ISL2: variants seen among roughly 807,000 people sequenced by gnomAD.
ISL2 encodes the protein insulin gene enhancer protein ISL-2.
In ISL2, 17 loss-of-function variants were observed where a neutral mutation model predicts 34.6. The ratio of observed to expected loss-of-function variants is 0.49; its 90% CI spans 0.34 to 0.74. The LOEUF is 0.74. Ranked by LOEUF, ISL2 falls within the 30% of genes least tolerant of loss-of-function variation. The pLI, the probability that ISL2 is intolerant of heterozygous loss-of-function variation, is 0.01. For synonymous variants in ISL2, 232 were observed against 225.5 expected (o/e 1.03, Z -0.26); for missense variants, 469 against 515.2 (o/e 0.91, Z 0.87).
intron 3 of ISL2, chr15:76,339,416 A>G: frequency 1.0e-6 from 1 of 985,418 alleles, no homozygotes; most frequent in East Asian, 1.1e-4. Flanking sequence ...CACGGTATAT[A>G]TGGGTCGGGA....
At chr15:76,339,972 A>C (rs2040181229) in intron 3 of ISL2, 2 of 1,204,726 alleles carry the variant, frequency 1.7e-6, no homozygotes, top group South Asian at 5.4e-5. Context: ...CGACTGGAGG[A>C]GGCACATCCC....
In ISL2 at chr15:76,340,429, A is replaced by G. The variant is rs2040185034; in HGVS notation, c.665A>G (p.Glu222Gly). 1.2e-6 allele frequency: 2 copies of G among 1,613,684 alleles called. No individual in the cohort carries two copies. The highest frequency in any genetic ancestry group is 1.3e-5 in the African/African-American group (1 of 74,940). The change falls in exon 4 of 6, where the codon GAG (glutamate) becomes GGG (glycine). Residue 222 changes from glutamate to glycine, a missense_variant. Glu to Gly is a moderately conservative substitution (Grantham distance 98). Around this residue, in one of 3 missense-constraint regions of ISL2, gnomAD observed 297 missense variants for 337.8 expected, o/e 0.88. Transcript: ENST00000290759. ...ANPRPDALMK[E>G]QLVEMTGLSP... ...CCGCGGCCCGACGCTCTCATGAAGG[A>G]GCAGCTGGTGGAGATGACCGGCCTG...
At chr15:76,339,765 C>T in intron 3 of ISL2, 2 of 992,882 alleles carry the variant, frequency 2.0e-6, no homozygotes, top group Non-Finnish European at 2.4e-6. Context: ...TGGCCCTGTC[C>T]AAATGGGCTC....
intron 3 of ISL2, chr15:76,339,328 A>G: frequency 1.0e-6 from 1 of 984,370 alleles, no homozygotes. Flanking sequence ...ACTGGGCTGG[A>G]TGGGCTATTT....
rs779520708 is a variant in ISL2 at position 76,341,717 on chromosome 15, A to C, written c.964-2A>C. The C allele has an allele frequency of 6.2e-7, 1 of 1,607,576 alleles. No individual in the cohort carries two copies. ...CTCTTCCCGGTGTTTCCGCCGCCCC[A>C]GGTCTCCTTCTCCGAGTCCGGCTCC... On this transcript the variant is annotated splice_acceptor_variant, in intron 5 of 5. Transcript: ENST00000290759. LOFTEE classifies it high-confidence loss of function.
Position 76,340,278 on chromosome 15 carries a change from G to A in ISL2, c.514G>A (p.Ala172Thr), listed in dbSNP as rs376971357. 8.1e-6 allele frequency: 13 copies of A among 1,599,462 alleles called. No homozygotes were observed. Among genetic ancestry groups the A allele is most frequent in the Non-Finnish European group, 1.0e-5 (12 of 1,175,068 alleles). The change falls in exon 4 of 6, where the codon GCT becomes ACT. Residue 172 changes from alanine (A) to threonine (T), a missense_variant and splice_region_variant. Ala to Thr is a moderately conservative substitution (Grantham distance 58). Around this residue, in one of 3 missense-constraint regions of ISL2, gnomAD observed 297 missense variants for 337.8 expected, o/e 0.88. Transcript: ENST00000290759. ...CTGGCCTCACCCTGTCCTGGCAGACGCTGGGTCGGGCCGGCAGCCCGCGTT... is the reference window on the plus strand; with the variant it reads ...CTGGCCTCACCCTGTCCTGGCAGACACTGGGTCGGGCCGGCAGCCCGCGTT... ...PGARGLHLPD[A>T]GSGRQPALRP...
Position 76,337,821 on chromosome 15 carries a change from C to T in ISL2, c.102C>T (p.Ile34=), listed in dbSNP as rs761618766. 6.2e-7 allele frequency: 1 copy of T among 1,611,002 alleles called. No homozygotes were observed. The highest frequency in any genetic ancestry group is 8.5e-7 in the Non-Finnish European group (1 of 1,178,686). ...TGTGCGTGGGCTGCGGGAGTCAGAT[C>T]CACGACCAGTTTATCCTGCGGGTGT... is the stretch of plus-strand genomic sequence containing the variant. The part of the protein sequence containing the change: ...TAMCVGCGSQ[I]HDQFILRVSP... Residue 34 remains isoleucine, a synonymous_variant, in exon 2 of 6, where the codon ATC becomes ATT. Transcript: ENST00000290759.
chr15:76,340,285 C>A lies in ISL2; in HGVS notation c.521C>A (p.Ser174Ter). 3 of 1,602,642 alleles carry A rather than the reference C, an allele frequency of 1.9e-6. No individual in the cohort carries two copies. The highest frequency in any genetic ancestry group is 2.6e-6 in the Non-Finnish European group (3 of 1,176,250). The change falls in exon 4 of 6, where the codon TCG becomes TAG. Residue 174 changes from serine (S) to a stop codon, truncating the protein, a stop_gained. Transcript: ENST00000290759. LOFTEE classifies it high-confidence loss of function. ...CACCCTGTCCTGGCAGACGCTGGGT[C>A]GGGCCGGCAGCCCGCGTTGCGCCCG... is the stretch of plus-strand genomic sequence containing the variant. ...ARGLHLPDAG[S>*]GRQPALRPHV... is the part of the protein sequence containing the mutation.
At chr15:76,337,261 C>T (rs1337495853) in intron 1 of ISL2, among the ~76,000 whole-genome samples, 2 of 150,492 alleles carry the variant, frequency 1.3e-5, no homozygotes, top group Admixed American at 1.3e-4. Flanking sequence ...GTTTGTTTGC[C>T]TTTCGGTTTT....
Position 76,337,884 on chromosome 15 carries a change from T to G in ISL2, c.165T>G (p.Cys55Trp). 1 of 1,612,710 alleles carries G rather than the reference T, an allele frequency of 6.2e-7. No individual in the cohort carries two copies. Among genetic ancestry groups the G allele is most frequent in the Non-Finnish European group, 8.5e-7 (1 of 1,179,718 alleles). The change falls in exon 2 of 6, where the codon TGT becomes TGG. Residue 55 changes from cysteine to tryptophan, a missense_variant. By Grantham distance (215) the Cys-to-Trp change is radical. This residue lies in a region of ISL2 where 297 missense variants were observed against 337.8 expected (regional missense o/e 0.88). Transcript: ENST00000290759. The part of the protein sequence containing the change: ...DLEWHAACLK[C>W]AECSQYLDET... The stretch of plus-strand genomic sequence containing the variant: ...AGTGGCACGCGGCCTGCCTCAAGTG[T>G]GCCGAGTGCAGCCAGTACCTGGACG...
In ISL2 at chr15:76,338,111, G is replaced by A. The variant is rs536536504; in HGVS notation, c.249-141G>A. 1,827 of 1,344,214 alleles carry A rather than the reference G, an allele frequency of 1.4e-3. 4 individuals carry two copies. The highest frequency in any genetic ancestry group is 1.8e-3 in the South Asian group (114 of 62,254). The allele number at this position is 1,344,214 out of a possible 1,614,324, so 83.3% of individuals were successfully genotyped here. A position where few individuals can be genotyped will look rare whatever the true frequency, so the allele number is the denominator to read the frequency against. On this transcript the variant is annotated intron_variant, in intron 2 of 5. Transcript: ENST00000290759. The stretch of plus-strand genomic sequence containing the variant: ...CACGGGTGCCGCAGCGCTCCCCCGG[G>A]CCCGGGAATGCCCGCAGGCGGGTCA...
chr15:76,338,296 G>T lies in ISL2; in HGVS notation c.293G>T (p.Ser98Ile). The change falls in exon 3 of 6, where the codon AGC becomes ATC. Residue 98 changes from serine to isoleucine, a missense_variant. Transcript: ENST00000290759. ...KCAKCQVGFSSSDLVMRARDS... is the reference protein window; with the variant it reads ...KCAKCQVGFSISDLVMRARDS... ...GCCAAGTGCCAGGTGGGCTTCAGCA[G>T]CAGCGACCTGGTGATGAGGGCGCGG... 6.3e-7 allele frequency: 1 copy of T among 1,585,058 alleles called. No individual in the cohort carries two copies. Among genetic ancestry groups the T allele is most frequent in the African/African-American group, 1.4e-5 (1 of 72,618 alleles).
chr15:76,338,861 T>C (rs1783101965), intron 3 of ISL2: 5 of 985,342 alleles, frequency 5.1e-6, no homozygotes, highest in Non-Finnish European at 4.8e-6. Context: ...TAGGAATTTC[T>C]TGGAGGAATA....
rs775367576 is a variant in ISL2, at chr15:76,341,148, G to A, written c.810G>A (p.Leu270=). ...TTGCCCCGCAGAGCCTTCAGGGACTGACTGGGACGCCCCTGGTGGCGGGCA... is the reference window on the plus strand; with the variant it reads ...TTGCCCCGCAGAGCCTTCAGGGACTAACTGGGACGCCCCTGGTGGCGGGCA... ...QHSDKTSLQG[L]TGTPLVAGSP... Residue 270 remains leucine, a synonymous_variant, in exon 5 of 6, where the codon CTG becomes CTA. Coordinates refer to ENST00000290759, the MANE Select transcript of ISL2 (RefSeq NM_145805.3). 6.2e-7 allele frequency: 1 copy of A among 1,608,344 alleles called. No homozygotes were observed. The highest frequency in any genetic ancestry group is 8.5e-7 in the Non-Finnish European group (1 of 1,177,682).
chr15:76,337,376 T>C (rs2040158609), intron 1 of ISL2: 1 of 310,752 alleles, frequency 3.2e-6, no homozygotes. Flanking sequence ...TGTGTTGGGA[T>C]AGGAGGCAGC....
intron 3 of ISL2, chr15:76,339,454 G>A (rs1014025899): frequency 2.0e-6 from 2 of 985,326 alleles, no homozygotes; most frequent in African/African-American, 3.5e-5. Flanking sequence ...ATGGGAGCAA[G>A]CGGGTATTCA....
chr15:76,341,070 C>T, intron 4 of ISL2, 64 bp from the exon 5 acceptor site: 1 of 1,445,200 alleles, frequency 6.9e-7, no homozygotes, highest in Non-Finnish European at 9.3e-7. Flanking sequence ...GAGCTCCAGT[C>T]TCAAAGGTGG....
At chr15:76,338,621 C>A in intron 3 of ISL2, 107 bp downstream of exon 3, 1 of 1,238,340 alleles carries the variant, frequency 8.1e-7, no homozygotes, top group Non-Finnish European at 1.0e-6. Flanking sequence ...TGTGTGGTTC[C>A]GTCTGCCGGG....
rs765746609 is a variant in ISL2, at chr15:76,336,848, C to A, written c.-36C>A. The stretch of plus-strand genomic sequence containing the variant: ...GGCGCGCGACCCTCGTCCTTCTGCC[C>A]CTGGCCGCACACTTTGCGCACATCT... On this transcript the variant is annotated 5_prime_UTR_variant, in exon 1 of 6. Coordinates refer to ENST00000290759, the MANE Select transcript of ISL2 (RefSeq NM_145805.3). 6.3e-7 allele frequency: 1 copy of A among 1,596,190 alleles called. No individual in the cohort carries two copies. Among genetic ancestry groups the A allele is most frequent in the Admixed American group, 1.7e-5 (1 of 60,000 alleles).
Sources: allele counts gnomAD v4.1 joint callset (sites outside exome capture counted in the v4.1 genomes callset), GRCh38; gene constraint gnomAD v4.1.1; regional missense constraint gnomAD v4.1.1; transcripts MANE v1.5; gene names NCBI Gene and HGNC (gene_info 2026-07-23, HGNC 2026-07-21).